UNC80: variants seen among roughly 807,000 people sequenced by gnomAD.
UNC80 encodes the protein protein unc-80 homolog.
A neutral mutation model predicts 384.6 loss-of-function variants in UNC80; 164 were observed. That is an observed-to-expected ratio of 0.43 (90% CI 0.38 to 0.49). The LOEUF (loss-of-function observed/expected upper bound fraction) is 0.49. Ranked by LOEUF, UNC80 falls within the 20% of genes least tolerant of loss-of-function variation. The pLI is 0.00. For synonymous variants in UNC80, 1,486 were observed against 1,527.8 expected, an observed-to-expected ratio of 0.97 and a Z score of 0.64; for missense variants, 3,330 against 4,143.0, an observed-to-expected ratio of 0.80 and a Z score of 5.39.
chr2:209,945,940 G>C lies in UNC80; in HGVS notation c.7283G>C (p.Arg2428Thr). 1 of 1,549,042 alleles carries C rather than the reference G, an allele frequency of 6.5e-7. No homozygotes were observed. The highest frequency in any genetic ancestry group is 8.7e-7 in the Non-Finnish European group (1 of 1,144,492). The change falls in exon 47 of 65, where the codon AGA (arginine) becomes ACA (threonine). Residue 2428 changes from arginine to threonine, a missense_variant. This residue lies in a region of UNC80 where 1,049 missense variants were observed against 1,488.6 expected (regional missense o/e 0.70). Coordinates refer to ENST00000673920, the MANE Select transcript of UNC80 (RefSeq NM_001371986.1). ...TVVAYAPESF[R>T]SLQMLMVLEA... Reference sequence around the variant, plus strand: ...GTGGCGTATGCTCCCGAATCATTCAGAAGGTATCTGCAGCCCTTTATTCTG... The same window carrying C: ...GTGGCGTATGCTCCCGAATCATTCACAAGGTATCTGCAGCCCTTTATTCTG...
chr2:209,993,930 C>T, intron 63 of UNC80, 135 bp from the exon 64 acceptor site: 1 of 759,840 alleles, frequency 1.3e-6, no homozygotes, highest in Admixed American at 3.4e-5. Context: ...CAAACGTGCT[C>T]TCATTTATTA....
intron 10 of UNC80, among the ~76,000 whole-genome samples, chr2:209,817,493 A>G (rs2079825801): frequency 6.6e-6 from 1 of 151,476 alleles, no homozygotes; most frequent in African/African-American, 2.4e-5. Context: ...AAAAAAATAT[A>G]TATATTATAT....
At chr2:209,981,348 C>T (rs1361275267) in intron 59 of UNC80, among the ~76,000 whole-genome samples, 5 of 152,146 alleles carry the variant, frequency 3.3e-5, no homozygotes, top group African/African-American at 7.2e-5. Flanking sequence ...GAGGCCGAGG[C>T]GGGTGGATCA....
intron 25 of UNC80, among the ~76,000 whole-genome samples, chr2:209,882,278 T>G (rs1480836643): frequency 6.6e-6 from 1 of 152,042 alleles, no homozygotes; most frequent in Admixed American, 6.6e-5. Flanking sequence ...TTTCCTCCTT[T>G]TTAAACCAAA....
Position 209,967,343 on chromosome 2 carries a change from A to T in UNC80, c.7806-94A>T, listed in dbSNP as rs575287802. On this transcript the variant is annotated intron_variant, in intron 51 of 64. Coordinates refer to ENST00000673920, the MANE Select transcript of UNC80 (RefSeq NM_001371986.1). ...TTAGTTCAGGGAGTTGGTGGTCTGG[A>T]AGGGGTGATTAACATGTTGCTGTGT... The T allele has an allele frequency of 6.9e-6, 6 of 875,082 alleles. No individual in the cohort carries two copies. The East Asian group carries it at 9.2e-5, about 13-fold the overall frequency. The allele number at this position is 875,082 out of a possible 1,614,324, so 54.2% of individuals were successfully genotyped here.
intron 47 of UNC80, among the ~76,000 whole-genome samples, chr2:209,952,740 A>C (rs2092242923): frequency 1.3e-5 from 2 of 152,184 alleles, no homozygotes; most frequent in African/African-American, 4.8e-5. Context: ...TGTTTTAAAA[A>C]TTTTGTCCAC....
intron 15 of UNC80, among the ~76,000 whole-genome samples, chr2:209,829,952 C>T (rs1053264383): frequency 6.6e-6 from 1 of 152,106 alleles, no homozygotes; most frequent in African/African-American, 2.4e-5. Flanking sequence ...TTTCAGAAAA[C>T]TCTAGTATGA....
intron 25 of UNC80, among the ~76,000 whole-genome samples, chr2:209,887,852 A>G (rs991089826): frequency 2.0e-5 from 3 of 152,208 alleles, no homozygotes; most frequent in African/African-American, 7.2e-5. Flanking sequence ...ATCAAGGCCT[A>G]TGCTTTTGGA....
intron 4 of UNC80, among the ~76,000 whole-genome samples, chr2:209,778,264 G>A (rs1027962067): frequency 5.3e-5 from 8 of 152,238 alleles, no homozygotes; most frequent in South Asian, 2.1e-4. Flanking sequence ...TTAGCCAGGC[G>A]TAGTGCACAT....
At chr2:209,969,947 A>G in intron 53 of UNC80, 56 bp downstream of exon 53, 1 of 1,538,346 alleles carries the variant, frequency 6.5e-7, no homozygotes, top group African/African-American at 1.4e-5. Context: ...TCTGCTATTG[A>G]CTTCTCTGAA....
chr2:209,889,643 G>GCCCGCCA (rs1462183215), intron 26 of UNC80, among the ~76,000 whole-genome samples: 1 of 152,100 alleles, frequency 6.6e-6, no homozygotes, highest in African/African-American at 2.4e-5. Flanking sequence ...CACTCCCATA[G>GCCCGCCA]CCCGCCACCC....
At chr2:209,796,891 A>G (rs1371263696) in intron 7 of UNC80, among the ~76,000 whole-genome samples, 1 of 152,220 alleles carries the variant, frequency 6.6e-6, no homozygotes, top group Non-Finnish European at 1.5e-5. Context: ...GTAAATTTAC[A>G]GAATTGTGCA....
chr2:209,973,312 A>G, intron 56 of UNC80, 42 bp downstream of exon 56: 13 of 1,475,522 alleles, frequency 8.8e-6, no homozygotes, highest in African/African-American at 1.4e-5. Context: ...GTGCATGTGT[A>G]TGTATATGTA....
At chr2:209,905,078 T>C (rs150228067) in intron 29 of UNC80, 113 bp downstream of exon 29, 11 of 1,101,674 alleles carry the variant, frequency 1.0e-5, no homozygotes, top group Non-Finnish European at 1.4e-5. Flanking sequence ...ATCAGGTCTG[T>C]GTGCATCTAA....
intron 14 of UNC80, among the ~76,000 whole-genome samples, chr2:209,826,797 G>A (rs1335713233): frequency 1.3e-5 from 2 of 151,880 alleles, no homozygotes; most frequent in Non-Finnish European, 2.9e-5. Flanking sequence ...GAAATCATAC[G>A]AAAATATTCT....
chr2:209,838,736 C>T (rs551060769), intron 18 of UNC80, among the ~76,000 whole-genome samples: 123 of 152,086 alleles, frequency 8.1e-4, no homozygotes, highest in African/African-American at 2.7e-3. Flanking sequence ...CTGAGGCAGA[C>T]GGATCACGAG....
rs755987872 is a variant in UNC80, at chr2:209,786,169, C to G, written c.704C>G (p.Pro235Arg). The G allele has an allele frequency of 1.2e-6, 2 of 1,613,534 alleles. No individual in the cohort carries two copies. The highest frequency in any genetic ancestry group is 1.7e-6 in the Non-Finnish European group (2 of 1,179,804). Residue 235 changes from proline to arginine, a missense_variant, in exon 5 of 65, where the codon CCC (proline) becomes CGC (arginine). By Grantham distance (103) the Pro-to-Arg change is moderately radical (BLOSUM62 -2). Coordinates refer to ENST00000673920, the MANE Select transcript of UNC80 (RefSeq NM_001371986.1). ...GVSGFTALVK[P>R]IRNIITAKRS... ...TCTGGCTTTACCGCACTGGTGAAGCCCATCAGGAACATCATTACAGGTTTG... is the reference window on the plus strand; with the variant it reads ...TCTGGCTTTACCGCACTGGTGAAGCGCATCAGGAACATCATTACAGGTTTG...
chr2:209,954,404 C>G (rs952678051), intron 48 of UNC80, 134 bp downstream of exon 48: 1 of 811,246 alleles, frequency 1.2e-6, no homozygotes, highest in African/African-American at 1.7e-5. Context: ...AAACTCAGCC[C>G]TTTATGCCTT....
chr2:209,972,348 A>C (rs915605383), intron 55 of UNC80, 24 bp downstream of exon 55: 2 of 1,547,584 alleles, frequency 1.3e-6, no homozygotes, highest in Non-Finnish European at 1.7e-6. Flanking sequence ...AACTAAAGGA[A>C]ATTTATCATT....
Sources: gnomAD v4.1 joint callset for allele counts (sites outside exome capture counted in the v4.1 genomes callset) on GRCh38, gnomAD v4.1.1 for gene constraint, gnomAD v4.1.1 regional missense constraint, MANE v1.5 for transcripts, NCBI Gene and HGNC (gene_info 2026-07-23, HGNC 2026-07-21) for gene names.